Variants in ABLIM1 observed in about 807,000 individuals in gnomAD.
ABLIM1 encodes the protein actin-binding LIM protein 1.
In ABLIM1, 40 loss-of-function variants were observed where a neutral mutation model predicts 107.0. The ratio of observed to expected loss-of-function variants is 0.37; its 90% CI spans 0.29 to 0.49. The LOEUF (loss-of-function observed/expected upper bound fraction) is 0.49. Ranked by LOEUF, ABLIM1 falls within the 20% of genes least tolerant of loss-of-function variation. ABLIM1 has a pLI of 0.97. For synonymous variants in ABLIM1, 357 were observed against 357.3 expected (o/e 1.00, Z 0.01); for missense variants, 857 against 1,008.5 (o/e 0.85, Z 2.04).
chr10:114,640,241 T>C (rs2078677668), intron 1 of ABLIM1, among the ~76,000 whole-genome samples: 1 of 152,192 alleles, frequency 6.6e-6, no homozygotes. Context: ...TGAAAACAGT[T>C]GAGGGCTGGG....
At chr10:114,472,071 C>T (rs993815924) in intron 10 of ABLIM1, among the ~76,000 whole-genome samples, 2 of 151,870 alleles carry the variant, frequency 1.3e-5, no homozygotes, top group South Asian at 2.1e-4. Context: ...CGAGTATTAA[C>T]GAGCCCCAAG....
At chr10:114,540,244 T>C (rs997477575) in intron 6 of ABLIM1, among the ~76,000 whole-genome samples, 4 of 152,204 alleles carry the variant, frequency 2.6e-5, no homozygotes, top group African/African-American at 9.6e-5. Flanking sequence ...ATGAGAATTC[T>C]AGAACTCAGA....
intron 7 of ABLIM1, among the ~76,000 whole-genome samples, chr10:114,490,656 T>A (rs951899738): frequency 6.6e-6 from 1 of 152,040 alleles, no homozygotes; most frequent in African/African-American, 2.4e-5. Flanking sequence ...ACACAGATGG[T>A]GCTGTTTGAC....
At chr10:114,468,265 G>A (rs758445557) in intron 10 of ABLIM1, 49 bp from the exon 11 acceptor site, 1 of 1,574,170 alleles carries the variant, frequency 6.4e-7, no homozygotes, top group South Asian at 1.1e-5. Context: ...TTAACTCTTT[G>A]CCGTTTTGTT....
chr10:114,468,523 C>G (rs2065738809), intron 10 of ABLIM1, among the ~76,000 whole-genome samples: 1 of 152,096 alleles, frequency 6.6e-6, no homozygotes, highest in Admixed American at 6.5e-5. Flanking sequence ...ATCCGCCCCC[C>G]TTAGCCTCCC....
At chr10:114,468,098 T>C in intron 11 of ABLIM1, 83 bp downstream of exon 11, 1 of 1,289,742 alleles carries the variant, frequency 7.8e-7, no homozygotes, top group Non-Finnish European at 1.1e-6. Flanking sequence ...TGTTATGTTC[T>C]TTTTCAAAAA....
Position 114,473,975 on chromosome 10 carries a change from C to G in ABLIM1, c.1042-19G>C. ...TGGTAGGCTGTAAAATAAACAGTGA[C>G]TTGTAAGACTTCGGACCCTGGCTTC... is the stretch of plus-strand genomic sequence containing the variant. On this transcript the variant is annotated intron_variant, in intron 8 of 22. Coordinates refer to ENST00000533213, the MANE Select transcript of ABLIM1 (RefSeq NM_002313.7). 6.3e-7 allele frequency: 1 copy of G among 1,598,436 alleles called. No individual in the cohort carries two copies. The highest frequency in any genetic ancestry group is 8.6e-7 in the Non-Finnish European group (1 of 1,166,522).
the ABLIM1 span, among the ~76,000 whole-genome samples, chr10:114,793,201 G>T: frequency 6.6e-6 from 1 of 152,082 alleles, no homozygotes; most frequent in Non-Finnish European, 1.5e-5. Flanking sequence ...GTTGGAGGTG[G>T]GGCCTGGTGG....
At chr10:114,655,532 G>A (rs965660047) in intron 1 of ABLIM1, among the ~76,000 whole-genome samples, 2 of 152,182 alleles carry the variant, frequency 1.3e-5, no homozygotes, top group Non-Finnish European at 2.9e-5. Context: ...AAGTCATTCA[G>A]AATAAAGTGT....
chr10:114,454,017 C>T (rs143765564), intron 12 of ABLIM1, among the ~76,000 whole-genome samples: 4 of 152,122 alleles, frequency 2.6e-5, no homozygotes, highest in African/African-American at 9.7e-5. Context: ...TCAATTGCAG[C>T]GTGTTTGCAT....
chr10:114,547,804 C>T, intron 4 of ABLIM1, 28 bp from the exon 5 acceptor site: 1 of 1,600,922 alleles, frequency 6.2e-7, no homozygotes, highest in Non-Finnish European at 8.5e-7. Context: ...CCAGTGGTTA[C>T]TACACATTTC....
chr10:114,700,774 A>T (rs375658198), intron 1 of ABLIM1, among the ~76,000 whole-genome samples: 4 of 152,112 alleles, frequency 2.6e-5, no homozygotes, highest in Non-Finnish European at 5.9e-5. Context: ...ACCTCACACC[A>T]TATACAAAAA....
At chr10:114,567,244 A>T (rs1419001212) in intron 4 of ABLIM1, among the ~76,000 whole-genome samples, 1 of 152,188 alleles carries the variant, frequency 6.6e-6, no homozygotes, top group Admixed American at 6.5e-5. Context: ...TCATCAAAGA[A>T]ATATCAGGGA....
In ABLIM1 at chr10:114,443,926, G is replaced by A. The variant is rs891867642; in HGVS notation, c.1933+103C>T. The A allele has an allele frequency of 3.2e-5, 29 of 896,730 alleles. No individual in the cohort carries two copies. In the African/African-American group the frequency reaches 4.4e-4, roughly 14 times the overall value. The allele number at this position is 896,730 out of a possible 1,614,324, so 55.5% of individuals were successfully genotyped here. The stretch of plus-strand genomic sequence containing the variant: ...GGGTTTCCCACACTTCCTTTCCCGT[G>A]GAATACTCTGTAGGTTCCACCACAA... On this transcript the variant is annotated intron_variant, in intron 17 of 22. Transcript: ENST00000533213.
chr10:114,616,783 G>A (rs1014402556), intron 1 of ABLIM1, among the ~76,000 whole-genome samples: 5 of 152,212 alleles, frequency 3.3e-5, no homozygotes, highest in African/African-American at 1.2e-4. Context: ...AGTAACAGAA[G>A]GAATAGCAAT....
At chr10:114,604,088 G>A (rs765679731) in intron 1 of ABLIM1, among the ~76,000 whole-genome samples, 3 of 152,014 alleles carry the variant, frequency 2.0e-5, no homozygotes, top group Non-Finnish European at 2.9e-5. Context: ...CACACATAGT[G>A]CAGGGTGTTT....
intron 8 of ABLIM1, among the ~76,000 whole-genome samples, chr10:114,479,002 G>C (rs868868667): frequency 6.6e-6 from 1 of 152,118 alleles, no homozygotes; most frequent in African/African-American, 2.4e-5. Flanking sequence ...GACTTAAAAG[G>C]CTGGCTTTGG....
At chr10:114,693,580 C>T (rs1299678999) in intron 1 of ABLIM1, among the ~76,000 whole-genome samples, 2 of 152,194 alleles carry the variant, frequency 1.3e-5, no homozygotes, top group Admixed American at 6.5e-5. Context: ...GCCATATAAG[C>T]GCAGGCTTGC....
chr10:114,587,088 T>C (rs2074276669), intron 2 of ABLIM1, among the ~76,000 whole-genome samples: 1 of 152,220 alleles, frequency 6.6e-6, no homozygotes, highest in South Asian at 2.1e-4. Flanking sequence ...ATGGCAAAAA[T>C]GGAAAGTACG....
Sources: gnomAD v4.1 joint callset for allele counts (sites outside exome capture counted in the v4.1 genomes callset) on GRCh38, gnomAD v4.1.1 for gene constraint, MANE v1.5 for transcripts, NCBI Gene and HGNC (gene_info 2026-07-23, HGNC 2026-07-21) for gene names.